The following NPAP1 variants were observed in gnomAD, a reference collection of about 807,000 sequenced individuals.
The protein encoded by NPAP1 is nuclear pore-associated protein 1.
For missense variants in NPAP1, 1,483 were observed against 1,454.5 expected (o/e 1.02, Z -0.32); for synonymous variants, 616 against 581.4 (o/e 1.06, Z -0.86).
At position 24,677,768 on chromosome 15, in the gene NPAP1, G is replaced by C. The variant is rs1273629619; in HGVS notation, c.1901G>C (p.Ser634Thr). 6.2e-7 allele frequency: 1 copy of C among 1,613,924 alleles called. No homozygotes were observed. Among genetic ancestry groups the C allele is most frequent in the Non-Finnish European group, 8.5e-7 (1 of 1,180,034 alleles). The change falls in exon 1 of 1, where the codon AGT (serine) becomes ACT (threonine). Residue 634 changes from serine (S) to threonine (T), a missense_variant. Transcript: ENST00000329468. ...TTTATATTCCACAATACCACCCCAA[G>C]TTTTAACCAACTCTTTGGAAAAGAA... ...LPFIFHNTTPSFNQLFGKEAT... is the reference protein window; with the variant it reads ...LPFIFHNTTPTFNQLFGKEAT...
rs763696097 is a variant in NPAP1 at position 24,677,660 on chromosome 15, G to C, written c.1793G>C (p.Ser598Thr). 5.6e-6 allele frequency: 9 copies of C among 1,614,032 alleles called. No homozygotes were observed. The Admixed American group carries it at 6.7e-5, about 12-fold the overall frequency. The change falls in exon 1 of 1, where the codon AGC (serine) becomes ACC (threonine). Residue 598 changes from serine to threonine, a missense_variant. Physicochemically the swap from Ser to Thr is moderately conservative, Grantham distance 58. Transcript: ENST00000329468. Reference protein sequence around the residue: ...IFTSSLSSRVSSLPNSQIHCS... With the variant: ...IFTSSLSSRVTSLPNSQIHCS... ...ACATCTTCCCTAAGCTCCAGAGTGA[G>C]CTCTCTCCCAAATTCCCAAATACAT...
Position 24,678,920 on chromosome 15 carries a change from G to A in NPAP1, c.3053G>A (p.Gly1018Glu), listed in dbSNP as rs2141313702. Residue 1018 changes from glycine (G) to glutamate (E), a missense_variant, in exon 1 of 1, where the codon GGG (glycine) becomes GAG (glutamate). Gly to Glu is a moderately conservative substitution (Grantham distance 98, BLOSUM62 -2). Coordinates refer to ENST00000329468, the MANE Select transcript of NPAP1 (RefSeq NM_018958.3). The part of the protein sequence containing the change: ...IMGPGTPMDG[G>E]SIGFSMSAPG... ...GGACCTGGAACCCCTATGGATGGTGGGAGCATTGGGTTCAGCATGTCTGCC... is the reference window on the plus strand; with the variant it reads ...GGACCTGGAACCCCTATGGATGGTGAGAGCATTGGGTTCAGCATGTCTGCC... 1 of 1,614,096 alleles carries A rather than the reference G, an allele frequency of 6.2e-7. No homozygotes were observed. Among genetic ancestry groups the A allele is most frequent in the Non-Finnish European group, 8.5e-7 (1 of 1,180,016 alleles).
At position 24,677,372 on chromosome 15, in the gene NPAP1, G is replaced by C. The variant is rs778513450; in HGVS notation, c.1505G>C (p.Ser502Thr). Reference sequence around the variant, plus strand: ...ACTTCTGACCCCCCAACACCTCCTAGCTCCACACCCTCCTTCAAGCCTCCC... The same window carrying C: ...ACTTCTGACCCCCCAACACCTCCTACCTCCACACCCTCCTTCAAGCCTCCC... The part of the protein sequence containing the change: ...PLTSDPPTPP[S>T]STPSFKPPVT... Residue 502 changes from serine to threonine, a missense_variant, in exon 1 of 1, where the codon AGC becomes ACC. Physicochemically the swap from Ser to Thr is moderately conservative, Grantham distance 58. Coordinates refer to ENST00000329468, the MANE Select transcript of NPAP1 (RefSeq NM_018958.3). 1.9e-6 allele frequency: 3 copies of C among 1,613,830 alleles called. No homozygotes were observed. The highest frequency in any genetic ancestry group is 1.7e-6 in the Non-Finnish European group (2 of 1,179,980).
Position 24,679,369 on chromosome 15 carries a change from A to G in NPAP1, c.*31A>G. 1.4e-6 allele frequency: 2 copies of G among 1,464,914 alleles called. No individual in the cohort carries two copies. Among genetic ancestry groups the G allele is most frequent in the African/African-American group, 1.4e-5 (1 of 71,712 alleles). The allele number at this position is 1,464,914 out of a possible 1,614,324, so 90.7% of individuals were successfully genotyped here. ...CCTGTGGTTCACCTGATCACACCAC[A>G]TCAGTTGTGGTTGTAAATACCAGCA... On this transcript the variant is annotated 3_prime_UTR_variant, in exon 1 of 1. Coordinates refer to ENST00000329468, the MANE Select transcript of NPAP1 (RefSeq NM_018958.3).
rs767250231 is a variant in NPAP1 at position 24,676,009 on chromosome 15, C to T, written c.142C>T (p.Arg48Cys). 14 of 1,600,036 alleles carry T rather than the reference C, an allele frequency of 8.7e-6. No individual in the cohort carries two copies. The highest frequency in any genetic ancestry group is 4.1e-5 in the African/African-American group (3 of 73,604). Residue 48 changes from arginine to cysteine, a missense_variant, in exon 1 of 1, where the codon CGC becomes TGC. By Grantham distance (180) the Arg-to-Cys change is radical. Transcript: ENST00000329468. ...CTCTGTACCCACCCCGCGCCCTTTC[C>T]GCGGCCTGTTCCGCCGGAACGCCCG... ...AHSVPTPRPF[R>C]GLFRRNARRR...
Position 24,675,943 on chromosome 15 carries a change from G to T in NPAP1, c.76G>T (p.Ala26Ser), listed in dbSNP as rs759520625. 1.3e-6 allele frequency: 2 copies of T among 1,584,838 alleles called. No individual in the cohort carries two copies. Among genetic ancestry groups the T allele is most frequent in the South Asian group, 1.1e-5 (1 of 88,346 alleles). Reference protein sequence around the residue: ...PLPGPGRGAPAPLSRDASPPG... With the variant: ...PLPGPGRGAPSPLSRDASPPG... The stretch of plus-strand genomic sequence containing the variant: ...GCCAGGGCCAGGGCGTGGCGCCCCC[G>T]CTCCCCTGTCCCGGGACGCCTCCCC... The change falls in exon 1 of 1, where the codon GCT becomes TCT. Residue 26 changes from alanine to serine, a missense_variant. Transcript: ENST00000329468.
chr15:24,678,352 C>T lies in NPAP1; in HGVS notation c.2485C>T (p.Pro829Ser), dbSNP rs757750807. Residue 829 changes from proline (P) to serine (S), a missense_variant, in exon 1 of 1, where the codon CCT becomes TCT. Physicochemically the swap from Pro to Ser is moderately conservative, Grantham distance 74. Transcript: ENST00000329468. ...AIDTSDMNTTPPSKTVILQST... is the reference protein window; with the variant it reads ...AIDTSDMNTTSPSKTVILQST... Reference sequence around the variant, plus strand: ...TGACACCAGTGACATGAATACCACCCCTCCTTCCAAAACTGTCATCTTGCA... The same window carrying T: ...TGACACCAGTGACATGAATACCACCTCTCCTTCCAAAACTGTCATCTTGCA... 6.2e-7 allele frequency: 1 copy of T among 1,614,036 alleles called. No individual in the cohort carries two copies. The highest frequency in any genetic ancestry group is 2.2e-5 in the East Asian group (1 of 44,866).
At position 24,681,979 on chromosome 15, in the gene NPAP1, A is replaced by G. The variant is rs889469350; in HGVS notation, c.*2641A>G. On this transcript the variant is annotated 3_prime_UTR_variant, in exon 1 of 1. Transcript: ENST00000329468. ...GAGATGGAGTCTTGCTCTGTCACCCAGGCTGGAGTGCAGTGGCGTGATCTT... is the reference window on the plus strand; with the variant it reads ...GAGATGGAGTCTTGCTCTGTCACCCGGGCTGGAGTGCAGTGGCGTGATCTT... The G allele has an allele frequency of 1.8e-5, 3 of 166,912 alleles. No individual in the cohort carries two copies. The South Asian group carries it at 6.2e-4, about 35-fold the overall frequency. The allele number at this position is 166,912 out of a possible 1,614,324, so 10.3% of individuals were successfully genotyped here.
In NPAP1 at chr15:24,677,748, A is replaced by G. The variant is rs151117664; in HGVS notation, c.1881A>G (p.Ile627Met). 1.4e-5 allele frequency: 22 copies of G among 1,614,020 alleles called. No individual in the cohort carries two copies. The African/African-American group carries it at 2.5e-4, about 19-fold the overall frequency. The change falls in exon 1 of 1, where the codon ATA (isoleucine) becomes ATG (methionine). Residue 627 changes from isoleucine to methionine, a missense_variant. By Grantham distance (10) the Ile-to-Met change is conservative. Transcript: ENST00000329468. ...TCTACACATCCCCACTTCCATTTAT[A>G]TTCCACAATACCACCCCAAGTTTTA... ...TSVYTSPLPF[I>M]FHNTTPSFNQ... is the part of the protein sequence containing the mutation.
Position 24,679,372 on chromosome 15 carries a change from A to T in NPAP1, c.*34A>T, listed in dbSNP as rs2049002345. 5 of 1,429,380 alleles carry T rather than the reference A, an allele frequency of 3.5e-6. No homozygotes were observed. Among genetic ancestry groups the T allele is most frequent in the Non-Finnish European group, 4.9e-6 (5 of 1,023,854 alleles). 88.5% of individuals were successfully genotyped at this position (1,429,380 alleles called of 1,614,324 possible). ...GTGGTTCACCTGATCACACCACATC[A>T]GTTGTGGTTGTAAATACCAGCATTA... On this transcript the variant is annotated 3_prime_UTR_variant, in exon 1 of 1. Coordinates refer to ENST00000329468, the MANE Select transcript of NPAP1 (RefSeq NM_018958.3).
rs369655208 is a variant in NPAP1 at position 24,679,048 on chromosome 15, C to T, written c.3181C>T (p.Pro1061Ser). The T allele has an allele frequency of 8.1e-6, 13 of 1,614,158 alleles. No individual in the cohort carries two copies. Among genetic ancestry groups the T allele is most frequent in the Non-Finnish European group, 1.0e-5 (12 of 1,180,032 alleles). ...CCCATTTGGTCAGGCAGCCTGGGACCCAACTGGCCACAGCATGGCTGCTGC... is the reference window on the plus strand; with the variant it reads ...CCCATTTGGTCAGGCAGCCTGGGACTCAACTGGCCACAGCATGGCTGCTGC... ...VFPFGQAAWD[P>S]TGHSMAAAPQ... The change falls in exon 1 of 1, where the codon CCA (proline) becomes TCA (serine). Residue 1061 changes from proline (P) to serine (S), a missense_variant. Coordinates refer to ENST00000329468, the MANE Select transcript of NPAP1 (RefSeq NM_018958.3).
chr15:24,676,010 G>A lies in NPAP1; in HGVS notation c.143G>A (p.Arg48His), dbSNP rs1397820294. Residue 48 changes from arginine (R) to histidine (H), a missense_variant, in exon 1 of 1, where the codon CGC becomes CAC. Arg to His is a conservative substitution (Grantham distance 29). Transcript: ENST00000329468. ...TCTGTACCCACCCCGCGCCCTTTCC[G>A]CGGCCTGTTCCGCCGGAACGCCCGT... ...AHSVPTPRPF[R>H]GLFRRNARRR... The A allele has an allele frequency of 4.4e-6, 7 of 1,599,206 alleles. No homozygotes were observed. The highest frequency in any genetic ancestry group is 6.0e-6 in the Non-Finnish European group (7 of 1,174,158).
rs2141310665 is a variant in NPAP1, at chr15:24,677,578, G to A, written c.1711G>A (p.Val571Ile). ...TGCCCACCTAACCTCACAGACTGCGGTAGACCCTGAAGTAGTTAATATGGA... is the reference window on the plus strand; with the variant it reads ...TGCCCACCTAACCTCACAGACTGCGATAGACCCTGAAGTAGTTAATATGGA... Reference protein sequence around the residue: ...ASAHLTSQTAVDPEVVNMDTT... With the variant: ...ASAHLTSQTAIDPEVVNMDTT... The change falls in exon 1 of 1, where the codon GTA becomes ATA. Residue 571 changes from valine (V) to isoleucine (I), a missense_variant. Physicochemically the swap from Val to Ile is conservative, Grantham distance 29. Transcript: ENST00000329468. 6.2e-7 allele frequency: 1 copy of A among 1,614,128 alleles called. No homozygotes were observed. The highest frequency in any genetic ancestry group is 8.5e-7 in the Non-Finnish European group (1 of 1,180,032).
Position 24,679,540 on chromosome 15 carries a change from G to C in NPAP1, c.*202G>C. On this transcript the variant is annotated 3_prime_UTR_variant, in exon 1 of 1. Coordinates refer to ENST00000329468, the MANE Select transcript of NPAP1 (RefSeq NM_018958.3). ...CTGTCAGTACACATGGGTCCCACCTGGACAAAACACAGGTGGTGCATCTGC... is the reference window on the plus strand; with the variant it reads ...CTGTCAGTACACATGGGTCCCACCTCGACAAAACACAGGTGGTGCATCTGC... 1 of 592,176 alleles carries C rather than the reference G, an allele frequency of 1.7e-6. No homozygotes were observed. Among genetic ancestry groups the C allele is most frequent in the Non-Finnish European group, 3.1e-6 (1 of 325,326 alleles). 36.7% of individuals were successfully genotyped at this position (592,176 alleles called of 1,614,324 possible). A position where few individuals can be genotyped will look rare whatever the true frequency, so the allele number is the denominator to read the frequency against.
In NPAP1 at chr15:24,675,808, T is replaced by C; in HGVS notation, c.-60T>C. ...CTTGGTCGCCAGAGGAGGCGGTGGC[T>C]GAGGAGAGTTGAGTCCACTGCTGAC... is the stretch of plus-strand genomic sequence containing the variant. On this transcript the variant is annotated 5_prime_UTR_variant, in exon 1 of 1. Coordinates refer to ENST00000329468, the MANE Select transcript of NPAP1 (RefSeq NM_018958.3). 8.2e-7 allele frequency: 1 copy of C among 1,214,506 alleles called. No homozygotes were observed. Among genetic ancestry groups the C allele is most frequent in the Non-Finnish European group, 1.1e-6 (1 of 901,448 alleles). 75.2% of individuals were successfully genotyped at this position (1,214,506 alleles called of 1,614,324 possible).
In NPAP1 at chr15:24,678,352, C is replaced by A. The variant is rs757750807; in HGVS notation, c.2485C>A (p.Pro829Thr). The change falls in exon 1 of 1, where the codon CCT becomes ACT. Residue 829 changes from proline to threonine, a missense_variant. By Grantham distance (38) the Pro-to-Thr change is conservative. Transcript: ENST00000329468. ...TGACACCAGTGACATGAATACCACC[C>A]CTCCTTCCAAAACTGTCATCTTGCA... Reference protein sequence around the residue: ...AIDTSDMNTTPPSKTVILQST... With the variant: ...AIDTSDMNTTTPSKTVILQST... 47 of 1,613,916 alleles carry A rather than the reference C, an allele frequency of 2.9e-5. No homozygotes were observed. The South Asian group carries it at 4.9e-4, about 17-fold the overall frequency.
At position 24,678,639 on chromosome 15, in the gene NPAP1, A is replaced by G; in HGVS notation, c.2772A>G (p.Pro924=). The change falls in exon 1 of 1, where the codon CCA becomes CCG. Residue 924 remains proline (P), a synonymous_variant. Coordinates refer to ENST00000329468, the MANE Select transcript of NPAP1 (RefSeq NM_018958.3). ...FILGNPATPA[P]VIGLTSPSVQ... is the part of the protein sequence containing the mutation. ...TGGGGAATCCAGCAACCCCAGCACC[A>G]GTTATAGGCTTAACATCTCCTTCAG... The G allele has an allele frequency of 2.5e-6, 4 of 1,614,138 alleles. No individual in the cohort carries two copies. The highest frequency in any genetic ancestry group is 1.1e-5 in the South Asian group (1 of 91,090).
rs1364046605 is a variant in NPAP1, at chr15:24,678,084, T to C, written c.2217T>C (p.Thr739=). Residue 739 remains threonine (T), a synonymous_variant, in exon 1 of 1, where the codon ACT becomes ACC. Coordinates refer to ENST00000329468, the MANE Select transcript of NPAP1 (RefSeq NM_018958.3). ...GGAACACACAACCCAGCGGCAACACTGCCTCAGTCCAAGGCTCCACCAGTT... is the reference window on the plus strand; with the variant it reads ...GGAACACACAACCCAGCGGCAACACCGCCTCAGTCCAAGGCTCCACCAGTT... ...GSGNTQPSGN[T]ASVQGSTSLP... 2 of 1,613,724 alleles carry C rather than the reference T, an allele frequency of 1.2e-6. No homozygotes were observed. The highest frequency in any genetic ancestry group is 1.7e-6 in the Non-Finnish European group (2 of 1,179,960).
chr15:24,676,345 G>A lies in NPAP1; in HGVS notation c.478G>A (p.Val160Met), dbSNP rs2048975376. The A allele has an allele frequency of 6.5e-6, 10 of 1,538,756 alleles. No individual in the cohort carries two copies. The highest frequency in any genetic ancestry group is 6.3e-5 in the Admixed American group (3 of 47,526). ...EVWAQEGPRR[V>M]KKDEDPVQIE... is the part of the protein sequence containing the mutation. ...GTGGGCCCAAGAAGGGCCCAGAAGA[G>A]TGAAGAAGGATGAGGATCCGGTGCA... The change falls in exon 1 of 1, where the codon GTG becomes ATG. Residue 160 changes from valine to methionine, a missense_variant. By Grantham distance (21) the Val-to-Met change is conservative. Coordinates refer to ENST00000329468, the MANE Select transcript of NPAP1 (RefSeq NM_018958.3).
Sources: gnomAD v4.1 joint callset for allele counts on GRCh38, gnomAD v4.1.1 for gene constraint, MANE v1.5 for transcripts, NCBI Gene and HGNC (gene_info 2026-07-23, HGNC 2026-07-21) for gene names.